LRRC4C: variants seen among roughly 807,000 people sequenced by gnomAD.
LRRC4C encodes leucine-rich repeat-containing protein 4C.
Under a neutral mutation model 33.6 loss-of-function variants are expected in LRRC4C, and 5 were observed. That is an observed-to-expected ratio of 0.15 (90% CI 0.08 to 0.31). The LOEUF (loss-of-function observed/expected upper bound fraction) is 0.31. LRRC4C is among the 10% of genes least tolerant of loss of function. LRRC4C has a pLI of 1.00. For synonymous variants in LRRC4C, 329 were observed against 302.0 expected, an observed-to-expected ratio of 1.09 and a Z score of -0.93; for missense variants, 560 against 796.7, an observed-to-expected ratio of 0.70 and a Z score of 3.58.
chr11:40,423,140 G>A (rs1950581348), intron 3 of LRRC4C, among the ~76,000 whole-genome samples: 1 of 151,960 alleles, frequency 6.6e-6, no homozygotes, highest in South Asian at 2.1e-4. Context: ...ATTATGATGT[G>A]AGTGTCACCA....
intron 2 of LRRC4C, among the ~76,000 whole-genome samples, chr11:40,803,485 A>G (rs1951120991): frequency 1.3e-5 from 2 of 152,230 alleles, no homozygotes; most frequent in Admixed American, 6.5e-5. Flanking sequence ...AATTGGTTCA[A>G]TAAAATGCAT....
At chr11:41,446,508 G>A (rs574621219) in intron 1 of LRRC4C, among the ~76,000 whole-genome samples, 1 of 152,092 alleles carries the variant, frequency 6.6e-6, no homozygotes, top group South Asian at 2.1e-4. Flanking sequence ...GGGACTGAGA[G>A]AGTTGTGGGT....
At position 40,575,119 on chromosome 11, in the gene LRRC4C, C is replaced by T. The variant is rs186555682; in HGVS notation, c.-270+73023G>A. On this transcript the variant is annotated intron_variant, in intron 3 of 6. Coordinates refer to ENST00000528697, the MANE Select transcript of LRRC4C (RefSeq NM_001258419.2). ...TCAGGACAATGGAATCATCACTTAC[C>T]AGTACTATGATAGAAAAAAGCAAAT... Among the ~76,000 whole-genome samples, 505 of 152,130 alleles carry T rather than the reference C, an allele frequency of 3.3e-3. 3 individuals carry two copies. The highest frequency in any genetic ancestry group is 0.012 in the African/African-American group (484 of 41,480).
chr11:41,436,528 A>G (rs536783109), intron 1 of LRRC4C, among the ~76,000 whole-genome samples: 9 of 152,336 alleles, frequency 5.9e-5, no homozygotes, highest in Admixed American at 6.5e-5. Context: ...AAAGTCCCAC[A>G]GTGGCAATAA....
Position 41,081,303 on chromosome 11 carries a change from A to G in LRRC4C, c.-495-147580T>C, listed in dbSNP as rs928647490. ...TGCATGATTTTGTTGGACCCAATGG[A>G]CTTCTTCATGGAAATATAAAAAATA... On this transcript the variant is annotated intron_variant, in intron 1 of 6. Transcript: ENST00000528697. 2.0e-5 allele frequency among the ~76,000 whole-genome samples: 3 copies of G among 152,188 alleles called. No homozygotes were observed. The East Asian group carries it at 5.8e-4, about 29-fold the overall frequency.
intron 1 of LRRC4C, among the ~76,000 whole-genome samples, chr11:41,171,643 C>A (rs1944983171): frequency 6.6e-6 from 1 of 151,200 alleles, no homozygotes; most frequent in African/African-American, 2.4e-5. Flanking sequence ...GGAGATATAC[C>A]CTAAAACTTA....
chr11:41,343,436 G>A (rs920543722), intron 1 of LRRC4C, among the ~76,000 whole-genome samples: 5 of 152,124 alleles, frequency 3.3e-5, no homozygotes, highest in Non-Finnish European at 7.4e-5. Flanking sequence ...TTTACTGTTC[G>A]AATATTTTCC....
At chr11:41,043,158 G>A (rs1451915769) in intron 1 of LRRC4C, among the ~76,000 whole-genome samples, 1 of 112,658 alleles carries the variant, frequency 8.9e-6, no homozygotes, top group Non-Finnish European at 1.7e-5. Context: ...TTCTTCTTAT[G>A]TTCCAGCAGT....
chr11:41,043,250 A>T lies in LRRC4C; in HGVS notation c.-495-109527T>A, dbSNP rs141096568. Among the ~76,000 whole-genome samples, 245 of 152,102 alleles carry T rather than the reference A, an allele frequency of 1.6e-3. 1 individual carries two copies. The highest frequency in any genetic ancestry group is 5.5e-3 in the African/African-American group (230 of 41,528). The stretch of plus-strand genomic sequence containing the variant: ...GGGCAGATCATAGATAGGATGAGAC[A>T]GTCAAATCCCCTTGGCTCTTGCACT... On this transcript the variant is annotated intron_variant, in intron 1 of 6. Transcript: ENST00000528697.
chr11:40,889,212 C>G (rs753993876), intron 2 of LRRC4C, among the ~76,000 whole-genome samples: 1 of 152,046 alleles, frequency 6.6e-6, no homozygotes, highest in Non-Finnish European at 1.5e-5. Flanking sequence ...ACATTCTATA[C>G]AGTCCTTTAA....
At chr11:41,298,032 T>C (rs758758579) in intron 1 of LRRC4C, among the ~76,000 whole-genome samples, 1 of 152,162 alleles carries the variant, frequency 6.6e-6, no homozygotes, top group Non-Finnish European at 1.5e-5. Context: ...ATCCAACTAA[T>C]AGGAATACCG....
At chr11:40,600,295 G>A (rs1959850621) in intron 3 of LRRC4C, among the ~76,000 whole-genome samples, 1 of 152,138 alleles carries the variant, frequency 6.6e-6, no homozygotes, top group African/African-American at 2.4e-5. Flanking sequence ...ACCTCGGTGT[G>A]TAGGTATTGT....
At chr11:40,329,225 AT>A (rs1413749879) in intron 3 of LRRC4C, among the ~76,000 whole-genome samples, 1 of 152,246 alleles carries the variant, frequency 6.6e-6, no homozygotes. Flanking sequence ...CAACATTAAG[AT>A]TTAATTAAAC....
chr11:41,376,449 GCCAGA>G (rs1952939986), intron 1 of LRRC4C, among the ~76,000 whole-genome samples: 1 of 152,108 alleles, frequency 6.6e-6, no homozygotes, highest in African/African-American at 2.4e-5. Flanking sequence ...CCAACTAATG[GCCAGA>G]CTAGCAACAC....
rs562718375 is a variant in LRRC4C, at chr11:40,906,706, C to CTG, written c.-407+26928_-407+26929insCA. Among the ~76,000 whole-genome samples the CTG allele has an allele frequency of 3.2e-4, 48 of 151,750 alleles. No individual in the cohort carries two copies. The South Asian group carries it at 3.9e-3, about 12-fold the overall frequency. On this transcript the variant is annotated intron_variant, in intron 2 of 6. Coordinates refer to ENST00000528697, the MANE Select transcript of LRRC4C (RefSeq NM_001258419.2). ...TATGTTTCCCTCTCTCTCTCTCTCT[C>CTG]TCTGTGTGTGTGTGTGTATGTGTGT...
intron 5 of LRRC4C, among the ~76,000 whole-genome samples, chr11:40,151,712 A>G (rs1417434591): frequency 6.6e-6 from 1 of 152,162 alleles, no homozygotes; most frequent in East Asian, 1.9e-4. Context: ...CCATTATAAT[A>G]AAATATAGCT....
chr11:41,108,972 A>G (rs1261679577), intron 1 of LRRC4C, among the ~76,000 whole-genome samples: 2 of 152,132 alleles, frequency 1.3e-5, no homozygotes, highest in South Asian at 2.1e-4. Context: ...GGTGAGCATT[A>G]TAAACAGGAG....
chr11:41,409,742 T>A (rs1017944206), intron 1 of LRRC4C, among the ~76,000 whole-genome samples: 17 of 152,314 alleles, frequency 1.1e-4, no homozygotes, highest in African/African-American at 3.8e-4. Flanking sequence ...AAGATTGCTC[T>A]AATTTTCTTA....
intron 3 of LRRC4C, among the ~76,000 whole-genome samples, chr11:40,538,420 A>G (rs1211061816): frequency 6.6e-6 from 1 of 152,090 alleles, no homozygotes; most frequent in Admixed American, 6.5e-5. Flanking sequence ...GCTGAGAATG[A>G]TGGTTTCCAG....
Sources: gnomAD v4.1 joint callset for allele counts (sites outside exome capture counted in the v4.1 genomes callset) on GRCh38, gnomAD v4.1.1 for gene constraint, MANE v1.5 for transcripts, NCBI Gene and HGNC (gene_info 2026-07-23, HGNC 2026-07-21) for gene names.